PGBD2: variants seen among roughly 807,000 people sequenced by gnomAD.
PGBD2 encodes the protein piggyBac transposable element derived 2.
In PGBD2, 6 loss-of-function variants were observed where a neutral mutation model predicts 8.1. The observed-to-expected ratio is 0.74, with a 90% CI of 0.40 to 1.46. The LOEUF (loss-of-function observed/expected upper bound fraction) is 1.46, where lower values mean the gene tolerates loss of function less well. Ranked by LOEUF, PGBD2 falls within the 40% of genes most tolerant of loss-of-function variation. The pLI is 0.02. For missense variants in PGBD2, 802 were observed against 739.0 expected, an observed-to-expected ratio of 1.09 and a Z score of -0.99; for synonymous variants, 318 against 272.2, an observed-to-expected ratio of 1.17 and a Z score of -1.66.
chr1:248,885,765 C>A, the PGBD2 span, among the ~76,000 whole-genome samples: 394 of 152,306 alleles, frequency 2.6e-3, 2 homozygotes, highest in Non-Finnish European at 1.9e-3. Context: ...CCATTTCCTT[C>A]CTAAATTCTG....
the PGBD2 span, among the ~76,000 whole-genome samples, chr1:248,883,872 C>T: frequency 6.6e-6 from 1 of 152,094 alleles, no homozygotes; most frequent in Non-Finnish European, 1.5e-5. Context: ...GCTGGGATTA[C>T]AGGCATGAGC....
At chr1:248,897,205 C>G in the PGBD2 span, among the ~76,000 whole-genome samples, 5 of 145,690 alleles carry the variant, frequency 3.4e-5, no homozygotes, top group African/African-American at 1.4e-4. Context: ...TTTTACCTTT[C>G]TCAGCATTCC....
the PGBD2 span, among the ~76,000 whole-genome samples, chr1:248,900,258 A>G: frequency 2.6e-5 from 4 of 152,330 alleles, no homozygotes; most frequent in South Asian, 8.3e-4. Context: ...TCATCCTGAT[A>G]CCAAGACCTG....
intron 1 of PGBD2, among the ~76,000 whole-genome samples, chr1:248,907,380 G>C (rs533876410): frequency 5.9e-5 from 9 of 152,208 alleles, no homozygotes; most frequent in African/African-American, 1.2e-4. Flanking sequence ...GGTTTTGTAC[G>C]GAGACATTCA....
At chr1:248,911,594 G>A (rs1194640194) in intron 1 of PGBD2, among the ~76,000 whole-genome samples, 4 of 145,626 alleles carry the variant, frequency 2.7e-5, no homozygotes, top group African/African-American at 5.6e-5. Flanking sequence ...CCACAAAGCC[G>A]CCATTGTCAT....
chr1:248,897,351 T>A, the PGBD2 span, among the ~76,000 whole-genome samples: 1 of 150,052 alleles, frequency 6.7e-6, no homozygotes, highest in Non-Finnish European at 1.5e-5. Context: ...AGCAGTAGGG[T>A]GGATGCGTCA....
the PGBD2 span, among the ~76,000 whole-genome samples, chr1:248,886,308 C>G: frequency 6.6e-6 from 1 of 152,140 alleles, no homozygotes; most frequent in African/African-American, 2.4e-5. Flanking sequence ...ATAGAAATAT[C>G]ATTATCTAAA....
At chr1:248,900,097 C>CAA in the PGBD2 span, among the ~76,000 whole-genome samples, 1,400 of 49,398 alleles carry the variant, frequency 0.028, 59 homozygotes, top group African/African-American at 0.068. Context: ...AATAGCCTAC[C>CAA]AAAAAAAAAA....
At chr1:248,882,926 A>C in the PGBD2 span, among the ~76,000 whole-genome samples, 2 of 152,166 alleles carry the variant, frequency 1.3e-5, no homozygotes, top group Non-Finnish European at 2.9e-5. Context: ...CTCCCTACAA[A>C]TGTTTATGTC....
chr1:248,877,916 C>G, the PGBD2 span, among the ~76,000 whole-genome samples: 554 of 152,222 alleles, frequency 3.6e-3, 7 homozygotes, highest in Non-Finnish European at 5.9e-3. Flanking sequence ...AGTACACTTT[C>G]CATTAATTTT....
Position 248,917,732 on chromosome 1 carries a change from C to T in PGBD2, c.1148C>T (p.Pro383Leu). 6.2e-7 allele frequency: 1 copy of T among 1,614,100 alleles called. No individual in the cohort carries two copies. Among genetic ancestry groups the T allele is most frequent in the South Asian group, 1.1e-5 (1 of 91,084 alleles). The change falls in exon 3 of 3, where the codon CCC (proline) becomes CTC (leucine). Residue 383 changes from proline (P) to leucine (L), a missense_variant. Transcript: ENST00000329291. ...CGTGAGTACAGGACTGAGCGATGTC[C>T]CCTAAAAGACCCCAAAGAACTGAAA... ...TVREYRTERC[P>L]LKDPKELKKM...
At chr1:248,914,629 G>T (rs1662025475) in intron 2 of PGBD2, 2 of 1,281,802 alleles carry the variant, frequency 1.6e-6, no homozygotes, top group South Asian at 1.2e-5. Context: ...CTCACGTAGA[G>T]GTTGGGGCCT....
chr1:248,883,584 C>CTTTTTTTTTTTTTTTTT, the PGBD2 span, among the ~76,000 whole-genome samples: 4 of 89,164 alleles, frequency 4.5e-5, no homozygotes, highest in African/African-American at 1.5e-4. Flanking sequence ...TTTTTTTTTT[C>CTTTTTTTTTTTTTTTTT]TTTTTTTTTT....
chr1:248,875,826 G>C, the PGBD2 span, among the ~76,000 whole-genome samples: 1 of 151,980 alleles, frequency 6.6e-6, no homozygotes, highest in Non-Finnish European at 1.5e-5. Context: ...TCTGCTTCTT[G>C]TACTGCTGAA....
downstream of PGBD2, chr1:248,919,711 G>C (rs1484319248): frequency 6.0e-6 from 1 of 166,250 alleles, no homozygotes; most frequent in African/African-American, 2.4e-5. Context: ...CACCAGCAGT[G>C]TTCAAGGGTT....
chr1:248,877,334 T>C, the PGBD2 span, among the ~76,000 whole-genome samples: 1 of 152,176 alleles, frequency 6.6e-6, no homozygotes, highest in African/African-American at 2.4e-5. Context: ...TGCCTAAATG[T>C]GGTTTGTATA....
At chr1:248,922,403 CAG>C (rs1477086665), downstream of PGBD2, among the ~76,000 whole-genome samples, 1 of 152,202 alleles carries the variant, frequency 6.6e-6, no homozygotes, top group Non-Finnish European at 1.5e-5. Context: ...CATCTGCAAA[CAG>C]AGACCATTTG....
chr1:248,876,468 T>A, the PGBD2 span, among the ~76,000 whole-genome samples: 1 of 152,220 alleles, frequency 6.6e-6, no homozygotes, highest in African/African-American at 2.4e-5. Flanking sequence ...AAGCAACGTA[T>A]CTTATTCCAG....
At chr1:248,874,304 A>C in the PGBD2 span, among the ~76,000 whole-genome samples, 1 of 152,132 alleles carries the variant, frequency 6.6e-6, no homozygotes. Context: ...CCCGGGTTCG[A>C]TTCCCGGTCA....
Sources: gnomAD v4.1 joint callset for allele counts (sites outside exome capture counted in the v4.1 genomes callset) on GRCh38, gnomAD v4.1.1 for gene constraint, MANE v1.5 for transcripts, NCBI Gene and HGNC (gene_info 2026-07-23, HGNC 2026-07-21) for gene names.